The following CDH8 variants were observed in gnomAD, a reference collection of about 807,000 sequenced individuals.
CDH8 encodes the protein cadherin 8, also known as cadherin-8.
In CDH8, 17 loss-of-function variants were observed where a neutral mutation model predicts 68.1. That is an observed-to-expected ratio of 0.25 (90% confidence interval 0.17 to 0.37). CDH8 has a LOEUF of 0.37. Among genes scored for constraint, CDH8 ranks in the 10% least tolerant of loss-of-function variants. The pLI is 1.00. For missense variants in CDH8, 763 were observed against 999.3 expected (o/e 0.76, Z 3.19); for synonymous variants, 372 against 365.1 (o/e 1.02, Z -0.21).
intron 9 of CDH8, among the ~76,000 whole-genome samples, chr16:61,714,710 T>C (rs896744935): frequency 6.6e-6 from 1 of 151,612 alleles, no homozygotes; most frequent in Admixed American, 6.6e-5. Flanking sequence ...TCTTAATAAT[T>C]TGTATTTATG....
At chr16:61,748,111 G>A (rs1210502551) in intron 8 of CDH8, among the ~76,000 whole-genome samples, 2 of 151,812 alleles carry the variant, frequency 1.3e-5, no homozygotes, top group African/African-American at 4.8e-5. Context: ...TCCAAGCTCT[G>A]TGTATTCTTT....
intron 2 of CDH8, among the ~76,000 whole-genome samples, chr16:61,934,860 G>A (rs1160993589): frequency 1.3e-5 from 2 of 152,150 alleles, no homozygotes; most frequent in Admixed American, 1.3e-4. Context: ...GGATAAAAAT[G>A]TGAGCTTCAG....
Position 61,653,056 on chromosome 16 carries a change from T to G in CDH8, c.*552A>C. 7.3e-7 allele frequency: 1 copy of G among 1,378,626 alleles called. No individual in the cohort carries two copies. The highest frequency in any genetic ancestry group is 1.9e-5 in the South Asian group (1 of 53,308). The allele number at this position is 1,378,626 out of a possible 1,614,324, so 85.4% of individuals were successfully genotyped here. ...CTAGTGAGTGGGGCCAACAATTATG[T>G]ACAATGTGTGGTCACCGTACTGTAT... is the stretch of plus-strand genomic sequence containing the variant. On this transcript the variant is annotated 3_prime_UTR_variant, in exon 12 of 12. Coordinates refer to ENST00000577390, the MANE Select transcript of CDH8 (RefSeq NM_001796.5).
At position 61,730,302 on chromosome 16, in the gene CDH8, G is replaced by T. The variant is rs906464462; in HGVS notation, c.1415-3087C>A. On this transcript the variant is annotated intron_variant, in intron 8 of 11. Transcript: ENST00000577390. ...AAAGTGTTATTTATCTATCCCTGGG[G>T]CCCAGTGCAAAATACCAACTAATAT... 1.5e-4 allele frequency among the ~76,000 whole-genome samples: 23 copies of T among 151,424 alleles called. 1 individual carries two copies. Among genetic ancestry groups the T allele is most frequent in the Admixed American group, 9.9e-4 (15 of 15,118 alleles).
chr16:61,782,814 C>T (rs989522712), intron 8 of CDH8, among the ~76,000 whole-genome samples: 4 of 152,230 alleles, frequency 2.6e-5, no homozygotes, highest in East Asian at 1.9e-4. Context: ...GGGAGGCACC[C>T]CCCAGCAGGG....
intron 2 of CDH8, among the ~76,000 whole-genome samples, chr16:61,944,258 A>G (rs192068260): frequency 6.6e-6 from 1 of 152,370 alleles, no homozygotes; most frequent in Admixed American, 6.5e-5. Context: ...TGAGAAGCAC[A>G]AAGTGACAGG....
At chr16:61,992,050 T>TTGTGTGTGTGTGTG (rs11271459) in intron 2 of CDH8, among the ~76,000 whole-genome samples, 330 of 144,424 alleles carry the variant, frequency 2.3e-3, no homozygotes, top group Admixed American at 5.5e-3. Flanking sequence ...TGCTAAATCT[T>TTGTGTGTGTGTGTG]TGTGTGTGTG....
chr16:61,850,697 A>G (rs757155419), intron 4 of CDH8, among the ~76,000 whole-genome samples: 1 of 152,002 alleles, frequency 6.6e-6, no homozygotes, highest in Non-Finnish European at 1.5e-5. Context: ...CTCATGCCAA[A>G]AGACCTTATT....
intron 2 of CDH8, among the ~76,000 whole-genome samples, chr16:61,936,685 A>C (rs2143512863): frequency 6.6e-6 from 1 of 152,258 alleles, no homozygotes; most frequent in Admixed American, 6.5e-5. Context: ...GGGATATGCA[A>C]GTATGGGGGT....
intron 2 of CDH8, among the ~76,000 whole-genome samples, chr16:61,997,399 A>G (rs1191244424): frequency 6.6e-6 from 1 of 152,188 alleles, no homozygotes; most frequent in East Asian, 1.9e-4. Context: ...TTATACTCCT[A>G]TATTTTCTCT....
At chr16:61,873,421 G>C (rs1406554947) in intron 3 of CDH8, among the ~76,000 whole-genome samples, 1 of 151,998 alleles carries the variant, frequency 6.6e-6, no homozygotes, top group East Asian at 1.9e-4. Context: ...AGGATTCCCA[G>C]GCCCCCCACA....
chr16:61,676,231 T>A (rs1026099745), intron 10 of CDH8, among the ~76,000 whole-genome samples: 1 of 144,670 alleles, frequency 6.9e-6, no homozygotes, highest in Admixed American at 6.9e-5. Flanking sequence ...AAGAAAAAAA[T>A]ATATATAAAT....
intron 7 of CDH8, among the ~76,000 whole-genome samples, chr16:61,800,887 T>A (rs1961608652): frequency 6.6e-6 from 1 of 152,068 alleles, no homozygotes; most frequent in Non-Finnish European, 1.5e-5. Context: ...TAAGGAAAAA[T>A]AAAGGTTTAG....
chr16:61,681,151 T>C (rs923168970), intron 10 of CDH8, among the ~76,000 whole-genome samples: 2 of 151,884 alleles, frequency 1.3e-5, no homozygotes, highest in African/African-American at 4.8e-5. Context: ...CTTTACTATA[T>C]GACCCAGCCA....
chr16:61,658,054 T>A (rs1319698767), intron 10 of CDH8, among the ~76,000 whole-genome samples: 4 of 152,114 alleles, frequency 2.6e-5, no homozygotes, highest in African/African-American at 9.7e-5. Flanking sequence ...CCAGGCAACA[T>A]CAATTCCTTT....
chr16:61,675,660 A>C (rs1963893047), intron 10 of CDH8, among the ~76,000 whole-genome samples: 1 of 151,414 alleles, frequency 6.6e-6, no homozygotes, highest in Non-Finnish European at 1.5e-5. Context: ...ATCATTTATG[A>C]AATTTAAGAA....
intron 2 of CDH8, among the ~76,000 whole-genome samples, chr16:61,927,926 T>C (rs1964481282): frequency 6.6e-6 from 1 of 152,240 alleles, no homozygotes; most frequent in Non-Finnish European, 1.5e-5. Context: ...CTACACTACA[T>C]ACGAACACAT....
intron 2 of CDH8, among the ~76,000 whole-genome samples, chr16:61,951,979 G>A (rs1009583596): frequency 5.3e-5 from 8 of 152,180 alleles, no homozygotes; most frequent in African/African-American, 9.7e-5. Flanking sequence ...CTTTGATGTG[G>A]AGAGAAATGG....
intron 4 of CDH8, among the ~76,000 whole-genome samples, chr16:61,828,454 T>C (rs1212815227): frequency 6.6e-6 from 1 of 151,920 alleles, no homozygotes; most frequent in Non-Finnish European, 1.5e-5. Flanking sequence ...GAACCCTCTT[T>C]TGAGGTCTGG....
Sources: gnomAD v4.1 joint callset for allele counts (sites outside exome capture counted in the v4.1 genomes callset) on GRCh38, gnomAD v4.1.1 for gene constraint, MANE v1.5 for transcripts, NCBI Gene and HGNC (gene_info 2026-07-23, HGNC 2026-07-21) for gene names.